The following RBFOX1 variants were observed in gnomAD, a reference collection of about 807,000 sequenced individuals.
RBFOX1 encodes the protein RNA binding protein fox-1 homolog 1.
A neutral mutation model predicts 57.7 loss-of-function variants in RBFOX1; 8 were observed. The observed-to-expected ratio is 0.14, with a 90% CI of 0.08 to 0.25. The LOEUF is 0.25. Among genes scored for constraint, RBFOX1 ranks in the 10% least tolerant of loss-of-function variants. The pLI, the probability that RBFOX1 is intolerant of heterozygous loss-of-function variation, is 1.00. For synonymous variants in RBFOX1, 326 were observed against 222.4 expected, an observed-to-expected ratio of 1.47 and a Z score of -4.15; for missense variants, 611 against 548.5, an observed-to-expected ratio of 1.11 and a Z score of -1.14.
At chr16:7,607,377 T>C in intron 10 of RBFOX1, 39 bp downstream of exon 10, 2 of 1,573,470 alleles carry the variant, frequency 1.3e-6, no homozygotes, top group South Asian at 1.2e-5. Context: ...TCTCAGTCTT[T>C]TCTAAATGTG....
chr16:7,039,942 T>C (rs1405738997), intron 3 of RBFOX1, among the ~76,000 whole-genome samples: 1 of 152,036 alleles, frequency 6.6e-6, no homozygotes, highest in Admixed American at 6.6e-5. Flanking sequence ...ATTGGAGCTT[T>C]TGTTTTGTTT....
At chr16:6,375,478 A>G (rs990509661) in intron 2 of RBFOX1, among the ~76,000 whole-genome samples, 9 of 151,750 alleles carry the variant, frequency 5.9e-5, no homozygotes, top group African/African-American at 2.2e-4. Flanking sequence ...TTTCTCTAAC[A>G]TTTTTAGGCA....
chr16:7,462,353 G>C (rs1451257702), intron 4 of RBFOX1, among the ~76,000 whole-genome samples: 1 of 152,180 alleles, frequency 6.6e-6, no homozygotes, highest in Non-Finnish European at 1.5e-5. Flanking sequence ...AAATTTGCCT[G>C]GTATGATGGT....
intron 4 of RBFOX1, among the ~76,000 whole-genome samples, chr16:7,356,905 A>G (rs2097224098): frequency 6.6e-6 from 1 of 152,204 alleles, no homozygotes; most frequent in African/African-American, 2.4e-5. Flanking sequence ...AAGAACCTCC[A>G]GCAAGGTTGA....
intron 3 of RBFOX1, among the ~76,000 whole-genome samples, chr16:6,963,944 C>A (rs947363343): frequency 1.3e-5 from 2 of 151,964 alleles, no homozygotes; most frequent in African/African-American, 2.4e-5. Context: ...ATGATCCACC[C>A]GCCTCGGCCT....
intron 2 of RBFOX1, among the ~76,000 whole-genome samples, chr16:6,408,043 TC>T (rs2093345852): frequency 6.6e-6 from 1 of 152,068 alleles, no homozygotes; most frequent in Non-Finnish European, 1.5e-5. Context: ...TGTTTACCCC[TC>T]CCATCATTTG....
intron 3 of RBFOX1, among the ~76,000 whole-genome samples, chr16:7,050,576 T>G (rs935172687): frequency 6.6e-6 from 1 of 152,176 alleles, no homozygotes; most frequent in Non-Finnish European, 1.5e-5. Flanking sequence ...TTCCTTCATT[T>G]TCTTTAATGA....
chr16:6,549,648 C>T (rs2096955974), intron 2 of RBFOX1, among the ~76,000 whole-genome samples: 1 of 151,896 alleles, frequency 6.6e-6, no homozygotes, highest in South Asian at 2.1e-4. Flanking sequence ...TAATTTGAGT[C>T]ATGTGCCTAC....
intron 4 of RBFOX1, among the ~76,000 whole-genome samples, chr16:7,064,793 G>A (rs1871259): frequency 0.45 from 68,964 of 152,118 alleles, 18,135 homozygotes; most frequent in South Asian, 0.67. Flanking sequence ...CCCCGAACTT[G>A]ATAGTTCATC....
chr16:6,920,040 T>C (rs1351120360), intron 3 of RBFOX1, among the ~76,000 whole-genome samples: 1 of 152,118 alleles, frequency 6.6e-6, no homozygotes, highest in Admixed American at 6.6e-5. Flanking sequence ...TGATATTTGT[T>C]TTTCCGTTCC....
chr16:6,544,280 A>T (rs1424462627), intron 2 of RBFOX1, among the ~76,000 whole-genome samples: 1 of 152,180 alleles, frequency 6.6e-6, no homozygotes. Flanking sequence ...GCAAGAAATT[A>T]GCCTCATAAC....
Position 7,146,296 on chromosome 16 carries a change from C to G in RBFOX1, c.27+94198C>G, listed in dbSNP as rs539538562. On this transcript the variant is annotated intron_variant, in intron 4 of 15. Coordinates refer to ENST00000550418, the MANE Select transcript of RBFOX1 (RefSeq NM_018723.4). ...GTTTCTCTGCCACTAAAAATGATAGCTCTGCTTGCTTGCAATATATGTTGC... is the reference window on the plus strand; with the variant it reads ...GTTTCTCTGCCACTAAAAATGATAGGTCTGCTTGCTTGCAATATATGTTGC... Among the ~76,000 whole-genome samples, 10 of 152,296 alleles carry G rather than the reference C, an allele frequency of 6.6e-5. No homozygotes were observed. The East Asian group carries it at 1.9e-3, about 29-fold the overall frequency.
chr16:5,575,236 G>A (rs1462077553), intron 2 of RBFOX1, among the ~76,000 whole-genome samples: 1 of 152,132 alleles, frequency 6.6e-6, no homozygotes, highest in Non-Finnish European at 1.5e-5. Context: ...TGAGAAATCA[G>A]GTATTAAGGA....
At chr16:5,754,195 C>T (rs974725404) in intron 3 of RBFOX1, among the ~76,000 whole-genome samples, 16 of 152,250 alleles carry the variant, frequency 1.1e-4, no homozygotes, top group African/African-American at 2.6e-4. Flanking sequence ...CCACCTCTGC[C>T]ACATGCAAGC....
intron 2 of RBFOX1, among the ~76,000 whole-genome samples, chr16:6,451,265 G>T (rs2094616168): frequency 6.6e-6 from 1 of 152,100 alleles, no homozygotes; most frequent in Admixed American, 6.5e-5. Context: ...AAAGCATTCT[G>T]TGGGGTTAGA....
chr16:7,441,479 A>C (rs960514262), intron 4 of RBFOX1, among the ~76,000 whole-genome samples: 2 of 152,186 alleles, frequency 1.3e-5, no homozygotes, highest in African/African-American at 4.8e-5. Flanking sequence ...TGCCAGCGTC[A>C]CTGGGTAGTG....
At chr16:6,670,296 C>G (rs570076859) in intron 3 of RBFOX1, among the ~76,000 whole-genome samples, 1 of 151,950 alleles carries the variant, frequency 6.6e-6, no homozygotes, top group Non-Finnish European at 1.5e-5. Flanking sequence ...CTTCCAAGTC[C>G]GGAGCTCAAG....
chr16:7,360,784 T>G (rs2097305533), intron 4 of RBFOX1, among the ~76,000 whole-genome samples: 1 of 152,212 alleles, frequency 6.6e-6, no homozygotes, highest in Non-Finnish European at 1.5e-5. Flanking sequence ...AGTCTTCTTT[T>G]CACTTTGCCT....
chr16:7,697,749 C>G (rs142215510), intron 14 of RBFOX1, among the ~76,000 whole-genome samples: 135 of 152,234 alleles, frequency 8.9e-4, no homozygotes, highest in Non-Finnish European at 1.2e-3. Context: ...ACCCTTGGAA[C>G]TTTGGCCTTC....
Sources: allele counts gnomAD v4.1 joint callset (sites outside exome capture counted in the v4.1 genomes callset), GRCh38; gene constraint gnomAD v4.1.1; transcripts MANE v1.5; gene names NCBI Gene and HGNC (gene_info 2026-07-23, HGNC 2026-07-21).